The following OPCML variants were observed in gnomAD, a reference collection of about 807,000 sequenced individuals.
OPCML encodes opioid binding protein/cell adhesion molecule like.
In OPCML, 13 loss-of-function variants were observed where a neutral mutation model predicts 37.8. That is an observed-to-expected ratio of 0.34 (90% CI 0.22 to 0.55). The LOEUF is 0.55. OPCML is among the 20% of genes least tolerant of loss of function. The pLI is 0.91. For missense variants in OPCML, 341 were observed against 435.6 expected, an observed-to-expected ratio of 0.78 and a Z score of 1.93; for synonymous variants, 176 against 168.8, an observed-to-expected ratio of 1.04 and a Z score of -0.33.
chr11:132,793,317 C>T (rs1000303901), intron 2 of OPCML, among the ~76,000 whole-genome samples: 1 of 152,158 alleles, frequency 6.6e-6, no homozygotes, highest in Non-Finnish European at 1.5e-5. Context: ...GGAATCCATC[C>T]GCAGAAATTA....
intron 1 of OPCML, among the ~76,000 whole-genome samples, chr11:133,250,660 A>G (rs541260004): frequency 2.0e-5 from 3 of 152,204 alleles, no homozygotes; most frequent in African/African-American, 4.8e-5. Flanking sequence ...ACAAAAAATC[A>G]TCTTAATCTT....
At chr11:133,449,844 G>T (rs1170491723) in intron 1 of OPCML, among the ~76,000 whole-genome samples, 1 of 151,578 alleles carries the variant, frequency 6.6e-6, no homozygotes, top group Non-Finnish European at 1.5e-5. Context: ...ATTTTGTCGG[G>T]GGGCCACAAT....
At chr11:132,884,396 G>C (rs751251231) in intron 2 of OPCML, among the ~76,000 whole-genome samples, 14 of 152,196 alleles carry the variant, frequency 9.2e-5, no homozygotes, top group Non-Finnish European at 1.5e-4. Flanking sequence ...GGATAGAAGT[G>C]TGTTGGTTGC....
chr11:133,213,226 T>G (rs1455871865), intron 1 of OPCML, among the ~76,000 whole-genome samples: 1 of 79,684 alleles, frequency 1.3e-5, no homozygotes, highest in Non-Finnish European at 2.5e-5. Flanking sequence ...ATAATGAGTT[T>G]TTTTTTTTTT....
chr11:132,840,258 G>A (rs777081877), intron 2 of OPCML, among the ~76,000 whole-genome samples: 54 of 152,244 alleles, frequency 3.5e-4, no homozygotes, highest in Middle Eastern at 3.4e-3. Flanking sequence ...AGTAGTCACC[G>A]ATATTTAAAG....
intron 1 of OPCML, among the ~76,000 whole-genome samples, chr11:133,334,001 G>A (rs1424813900): frequency 6.6e-6 from 1 of 152,170 alleles, no homozygotes; most frequent in African/African-American, 2.4e-5. Flanking sequence ...AACAGATGCT[G>A]GTGAGGTTGT....
At chr11:132,439,102 G>A (rs936709360) in intron 4 of OPCML, among the ~76,000 whole-genome samples, 2 of 152,158 alleles carry the variant, frequency 1.3e-5, no homozygotes, top group African/African-American at 4.8e-5. Flanking sequence ...CATTTGCCTG[G>A]CTACCCTCCT....
intron 1 of OPCML, among the ~76,000 whole-genome samples, chr11:133,411,794 G>A (rs1168312140): frequency 6.6e-6 from 1 of 152,156 alleles, no homozygotes; most frequent in Non-Finnish European, 1.5e-5. Flanking sequence ...AGCTGCTTGT[G>A]GTGGAAGATC....
At chr11:133,015,860 C>A (rs774312734) in intron 1 of OPCML, among the ~76,000 whole-genome samples, 7 of 152,166 alleles carry the variant, frequency 4.6e-5, no homozygotes, top group Non-Finnish European at 7.4e-5. Flanking sequence ...TCCTCCCCAT[C>A]CCTAACAAAT....
chr11:133,062,444 C>T (rs921069411), intron 1 of OPCML, among the ~76,000 whole-genome samples: 1 of 152,296 alleles, frequency 6.6e-6, no homozygotes, highest in South Asian at 2.1e-4. Flanking sequence ...GAGTAGTTTT[C>T]CAAACATTTT....
chr11:133,209,149 A>G (rs1431690500), intron 1 of OPCML, among the ~76,000 whole-genome samples: 5 of 152,192 alleles, frequency 3.3e-5, no homozygotes, highest in Non-Finnish European at 1.5e-5. Context: ...TGATTAAATA[A>G]TTATTGGTGT....
intron 2 of OPCML, among the ~76,000 whole-genome samples, chr11:132,796,434 TTA>T (rs1265199590): frequency 2.0e-5 from 3 of 152,154 alleles, no homozygotes; most frequent in African/African-American, 7.2e-5. Context: ...CGTGATAACT[TTA>T]TGTTTAATCT....
rs74773406 is a variant in OPCML at position 132,863,135 on chromosome 11, G to A, written c.146+79791C>T. 6.1e-3 allele frequency among the ~76,000 whole-genome samples: 921 copies of A among 152,118 alleles called. 11 individuals are homozygous for A. Among genetic ancestry groups the A allele is most frequent in the African/African-American group, 0.021 (877 of 41,490 alleles). Reference sequence around the variant, plus strand: ...TCCTGCCTGTAGCTACATGGCATGGGGCGTGATCAGACCCTTCCTGCCTGT... The same window carrying A: ...TCCTGCCTGTAGCTACATGGCATGGAGCGTGATCAGACCCTTCCTGCCTGT... On this transcript the variant is annotated intron_variant, in intron 2 of 7. Transcript: ENST00000524381.
intron 2 of OPCML, among the ~76,000 whole-genome samples, chr11:132,711,922 GC>G (rs2135950898): frequency 6.6e-6 from 1 of 152,292 alleles, no homozygotes; most frequent in African/African-American, 2.4e-5. Flanking sequence ...AACTTAAGGA[GC>G]AAATATTCAA....
At chr11:132,696,498 C>A (rs948329299) in intron 2 of OPCML, among the ~76,000 whole-genome samples, 1 of 151,924 alleles carries the variant, frequency 6.6e-6, no homozygotes, top group South Asian at 2.1e-4. Context: ...TAAGATGATA[C>A]TATACCAATA....
chr11:133,377,627 A>AAAAAAAAAAAAAAAAG (rs1944840557), intron 1 of OPCML, among the ~76,000 whole-genome samples: 1 of 150,754 alleles, frequency 6.6e-6, no homozygotes, highest in Admixed American at 6.6e-5. Context: ...AAAAAAAAAA[A>AAAAAAAAAAAAAAAAG]GAGCACCAAG....
chr11:132,724,544 C>T (rs1220604053), intron 2 of OPCML, among the ~76,000 whole-genome samples: 1 of 152,050 alleles, frequency 6.6e-6, no homozygotes, highest in Non-Finnish European at 1.5e-5. Context: ...TTATTCCACC[C>T]CTGTCCTCCC....
chr11:133,301,586 GTCTT>G, intron 1 of OPCML: 1 of 152,266 alleles, frequency 6.6e-6, no homozygotes, highest in African/African-American at 2.4e-5. Context: ...GTGGTTTTAA[GTCTT>G]TCTTGGCTTT....
At chr11:133,017,096 A>G (rs1362636902) in intron 1 of OPCML, among the ~76,000 whole-genome samples, 2 of 152,288 alleles carry the variant, frequency 1.3e-5, no homozygotes, top group Non-Finnish European at 2.9e-5. Context: ...ATTCTTGGTA[A>G]GGGCTCTCTT....
Sources: allele counts gnomAD v4.1 joint callset (sites outside exome capture counted in the v4.1 genomes callset), GRCh38; gene constraint gnomAD v4.1.1; transcripts MANE v1.5; gene names NCBI Gene and HGNC (gene_info 2026-07-23, HGNC 2026-07-21).